The following AGBL1 variants were observed in gnomAD, a reference collection of about 807,000 sequenced individuals.
AGBL1 encodes the protein cytosolic carboxypeptidase 4.
A neutral mutation model predicts 118.9 loss-of-function variants in AGBL1; 130 were observed. The ratio of observed to expected loss-of-function variants is 1.09; its 90% CI spans 0.95 to 1.26. The LOEUF (loss-of-function observed/expected upper bound fraction) is 1.26. Among genes scored for constraint, AGBL1 ranks in the 50% most tolerant of loss-of-function variants. The pLI is 0.00. For synonymous variants in AGBL1, 555 were observed against 478.9 expected (o/e 1.16, Z -2.08); for missense variants, 1,584 against 1,298.1 (o/e 1.22, Z -3.38).
At chr15:86,546,838 G>C (rs1402028535) in intron 20 of AGBL1, among the ~76,000 whole-genome samples, 1 of 152,152 alleles carries the variant, frequency 6.6e-6, no homozygotes, top group East Asian at 1.9e-4. Flanking sequence ...AAGAAGCAAA[G>C]TTGCCCAAAC....
chr15:86,555,978 T>C (rs1032010759), intron 21 of AGBL1, among the ~76,000 whole-genome samples: 11 of 152,218 alleles, frequency 7.2e-5, no homozygotes, highest in Non-Finnish European at 1.0e-4. Flanking sequence ...TCTGTACATG[T>C]GTCTTGATGG....
intron 23 of AGBL1, among the ~76,000 whole-genome samples, chr15:86,984,766 C>CT (rs2081265032): frequency 6.6e-6 from 1 of 152,028 alleles, no homozygotes; most frequent in Admixed American, 6.6e-5. Context: ...TAGTGGCTTG[C>CT]TTTTTTATTT....
chr15:86,144,501 T>G (rs866713060), intron 3 of AGBL1, among the ~76,000 whole-genome samples: 1 of 152,222 alleles, frequency 6.6e-6, no homozygotes, highest in South Asian at 2.1e-4. Context: ...AATGAGATCA[T>G]GTCCTTTGCA....
intron 5 of AGBL1, among the ~76,000 whole-genome samples, chr15:86,221,970 G>C (rs79329874): frequency 6.6e-6 from 1 of 152,092 alleles, no homozygotes; most frequent in Non-Finnish European, 1.5e-5. Context: ...AAAATTTCCA[G>C]TTTGAAAAAC....
Position 86,256,921 on chromosome 15 carries a change from C to T in AGBL1, c.804C>T (p.Tyr268=). The T allele has an allele frequency of 6.2e-7, 1 of 1,613,932 alleles. No individual in the cohort carries two copies. Among genetic ancestry groups the T allele is most frequent in the Non-Finnish European group, 8.5e-7 (1 of 1,179,870 alleles). ...TGCTTCAGATCCTGAGGCAGTGCTACCCTACGAGTCCACTTCCCTTGGTCA... is the reference window on the plus strand; with the variant it reads ...TGCTTCAGATCCTGAGGCAGTGCTATCCTACGAGTCCACTTCCCTTGGTCA... ...SVVLQILRQC[Y]PTSPLPLVTA... The change falls in exon 8 of 23, where the codon TAC becomes TAT. Residue 268 remains tyrosine (Y), a synonymous_variant. Coordinates refer to ENST00000614907, the MANE Select transcript of AGBL1 (RefSeq NM_001386094.1).
chr15:87,026,254 A>G (rs1037379309), intron 24 of AGBL1, among the ~76,000 whole-genome samples: 1 of 152,084 alleles, frequency 6.6e-6, no homozygotes, highest in Non-Finnish European at 1.5e-5. Context: ...CAATCTATAC[A>G]TCTAACAAAG....
rs2080312428 is a variant in AGBL1, at chr15:86,908,704, T to C, written c.*1410T>C. On this transcript the variant is annotated 3_prime_UTR_variant, in exon 23 of 23. Transcript: ENST00000614907. ...CATTCGGAAGGAAGAGGCTTAGTTATTTGAATAATGAAGTGTACGAGACCT... is the reference window on the plus strand; with the variant it reads ...CATTCGGAAGGAAGAGGCTTAGTTACTTGAATAATGAAGTGTACGAGACCT... 2 of 152,160 alleles carry C rather than the reference T, an allele frequency of 1.3e-5. No homozygotes were observed. Among genetic ancestry groups the C allele is most frequent in the South Asian group, 4.1e-4 (2 of 4,830 alleles). 9.4% of individuals were successfully genotyped at this position (152,160 alleles called of 1,614,324 possible).
At chr15:86,819,243 G>T (rs1202169316) in intron 22 of AGBL1, among the ~76,000 whole-genome samples, 1 of 152,108 alleles carries the variant, frequency 6.6e-6, no homozygotes, top group Admixed American at 6.6e-5. Context: ...AGTACTAGTA[G>T]TAGGTTGGTA....
chr15:86,900,420 A>G (rs12324429), intron 22 of AGBL1, among the ~76,000 whole-genome samples: 19,952 of 152,062 alleles, frequency 0.13, 2,290 homozygotes, highest in African/African-American at 0.32. Flanking sequence ...ATGCTTAGTA[A>G]TTTTCAGAAA....
intron 22 of AGBL1, among the ~76,000 whole-genome samples, chr15:86,709,240 T>C (rs1416191759): frequency 6.6e-6 from 1 of 152,154 alleles, no homozygotes; most frequent in African/African-American, 2.4e-5. Flanking sequence ...CAGTCTATAG[T>C]GACCTCCTAC....
chr15:86,554,331 A>G, intron 20 of AGBL1, 30 bp from the exon 21 acceptor site: 2 of 1,519,014 alleles, frequency 1.3e-6, no homozygotes, highest in South Asian at 1.3e-5. Flanking sequence ...CCCACAACTA[A>G]TCATCGTTTG....
At chr15:86,834,457 C>A (rs1330932614) in intron 22 of AGBL1, among the ~76,000 whole-genome samples, 2 of 152,134 alleles carry the variant, frequency 1.3e-5, no homozygotes, top group African/African-American at 4.8e-5. Flanking sequence ...ATAGCTGCCA[C>A]CAGCTAAAGA....
At chr15:86,879,662 T>C (rs2079863497) in intron 22 of AGBL1, among the ~76,000 whole-genome samples, 1 of 152,212 alleles carries the variant, frequency 6.6e-6, no homozygotes, top group Admixed American at 6.5e-5. Flanking sequence ...AAATTACACC[T>C]TTCCTTTGGC....
At chr15:86,394,846 A>G (rs967317416) in intron 17 of AGBL1, among the ~76,000 whole-genome samples, 1 of 152,182 alleles carries the variant, frequency 6.6e-6, no homozygotes, top group Non-Finnish European at 1.5e-5. Context: ...ACACTCTAGT[A>G]ACACTTAAAT....
At chr15:86,965,957 C>A (rs576769508) in intron 23 of AGBL1, among the ~76,000 whole-genome samples, 3 of 151,976 alleles carry the variant, frequency 2.0e-5, no homozygotes, top group African/African-American at 7.2e-5. Flanking sequence ...ACCTATGTAA[C>A]AAACCTGTAC....
chr15:86,322,687 A>T (rs1416129963), intron 17 of AGBL1, among the ~76,000 whole-genome samples: 1 of 152,088 alleles, frequency 6.6e-6, no homozygotes. Context: ...TTCCTGAGAG[A>T]ATTTCTTCTG....
intron 22 of AGBL1, among the ~76,000 whole-genome samples, chr15:86,776,498 C>T (rs988957558): frequency 8.6e-5 from 13 of 151,642 alleles, no homozygotes; most frequent in African/African-American, 2.9e-4. Context: ...CTATTCGTTG[C>T]TTCTCTTTCT....
At chr15:86,823,445 C>A (rs1314129835) in intron 22 of AGBL1, among the ~76,000 whole-genome samples, 1 of 152,118 alleles carries the variant, frequency 6.6e-6, no homozygotes, top group Non-Finnish European at 1.5e-5. Context: ...AGGAGCCTTG[C>A]AAAATAATGC....
chr15:86,570,426 C>T (rs2083988567), intron 21 of AGBL1, among the ~76,000 whole-genome samples: 1 of 152,220 alleles, frequency 6.6e-6, no homozygotes, highest in Admixed American at 6.5e-5. Context: ...TGTGCAAAGA[C>T]ATTTACAGCT....
Sources: gnomAD v4.1 joint callset for allele counts (sites outside exome capture counted in the v4.1 genomes callset) on GRCh38, gnomAD v4.1.1 for gene constraint, MANE v1.5 for transcripts, NCBI Gene and HGNC (gene_info 2026-07-23, HGNC 2026-07-21) for gene names.